The following EPHA3 variants were observed in gnomAD, a reference collection of about 807,000 sequenced individuals.
EPHA3 encodes ephrin type-A receptor 3.
EPHA3 carries 42 observed loss-of-function variants against 107.1 expected under a neutral mutation model. That is an observed-to-expected ratio of 0.39 (90% CI 0.31 to 0.51). EPHA3 has a LOEUF of 0.51. EPHA3 is among the 20% of genes least tolerant of loss of function. EPHA3 has a pLI of 0.78. For synonymous variants in EPHA3, 461 were observed against 424.8 expected (o/e 1.09, Z -1.05); for missense variants, 1,183 against 1,211.2 (o/e 0.98, Z 0.35).
chr3:89,297,218 G>A (rs1305031402), intron 3 of EPHA3, among the ~76,000 whole-genome samples: 2 of 152,094 alleles, frequency 1.3e-5, no homozygotes, highest in Non-Finnish European at 2.9e-5. Flanking sequence ...TTGGCTGTTT[G>A]TCATTAAGAG....
intron 5 of EPHA3, among the ~76,000 whole-genome samples, chr3:89,385,422 C>T (rs116313883): frequency 0.016 from 2,441 of 152,214 alleles, 69 homozygotes; most frequent in African/African-American, 0.055. Flanking sequence ...AGTGAGTTCT[C>T]GCAAGATCTG....
At chr3:89,295,601 A>G (rs1346564821) in intron 3 of EPHA3, among the ~76,000 whole-genome samples, 2 of 151,520 alleles carry the variant, frequency 1.3e-5, no homozygotes, top group African/African-American at 4.9e-5. Context: ...TTTTTCCTAT[A>G]TTTTGAGACA....
chr3:89,184,234 A>G (rs1705510015), intron 2 of EPHA3, among the ~76,000 whole-genome samples: 1 of 152,028 alleles, frequency 6.6e-6, no homozygotes, highest in Non-Finnish European at 1.5e-5. Context: ...CTTCATGAAG[A>G]AAACACAAGG....
At position 89,391,856 on chromosome 3, in the gene EPHA3, C is replaced by A. The variant is rs922002295; in HGVS notation, c.1307-3981C>A. ...CATATATCAGCTGTATCCAGAATAG[C>A]AAAAATTAAAGATCAAATATTAATA... On this transcript the variant is annotated intron_variant, in intron 5 of 16. Coordinates refer to ENST00000336596, the MANE Select transcript of EPHA3 (RefSeq NM_005233.6). Among the ~76,000 whole-genome samples the A allele has an allele frequency of 4.6e-5, 7 of 152,064 alleles. No individual in the cohort carries two copies. In the East Asian group the frequency reaches 5.8e-4, roughly 13 times the overall value.
chr3:89,340,973 C>T lies in EPHA3; in HGVS notation c.872C>T (p.Pro291Leu), dbSNP rs1355784567. ...GGTAATATGAAGTGTGCTAAGTGCCCGCCTCACAGTTCTACTCAGGAAGAT... is the reference window on the plus strand; with the variant it reads ...GGTAATATGAAGTGTGCTAAGTGCCTGCCTCACAGTTCTACTCAGGAAGAT... ...LDGNMKCAKC[P>L]PHSSTQEDGS... The change falls in exon 4 of 17, where the codon CCG becomes CTG. Residue 291 changes from proline to leucine, a missense_variant. Pro to Leu is a moderately conservative substitution (Grantham distance 98, BLOSUM62 -3). Coordinates refer to ENST00000336596, the MANE Select transcript of EPHA3 (RefSeq NM_005233.6). 3.1e-6 allele frequency: 5 copies of T among 1,614,042 alleles called. No individual in the cohort carries two copies. The highest frequency in any genetic ancestry group is 2.2e-5 in the East Asian group (1 of 44,876).
chr3:89,244,487 A>G (rs1704984945), intron 3 of EPHA3, among the ~76,000 whole-genome samples: 1 of 152,104 alleles, frequency 6.6e-6, no homozygotes, highest in Non-Finnish European at 1.5e-5. Context: ...AAAATGTTTT[A>G]TACTATCCAT....
At chr3:89,360,485 G>A (rs1260058246) in intron 5 of EPHA3, among the ~76,000 whole-genome samples, 1 of 150,924 alleles carries the variant, frequency 6.6e-6, no homozygotes, top group Non-Finnish European at 1.5e-5. Flanking sequence ...TATGCTTTTA[G>A]TTATTTCAGT....
chr3:89,337,037 G>A (rs1237782248), intron 3 of EPHA3, among the ~76,000 whole-genome samples: 2 of 149,866 alleles, frequency 1.3e-5, no homozygotes, highest in African/African-American at 4.9e-5. Context: ...ACAGTAGGGT[G>A]AGAAGAGCAA....
Position 89,108,649 on chromosome 3 carries a change from G to A in EPHA3, c.88+813G>A, listed in dbSNP as rs1246418384. Among the ~76,000 whole-genome samples the A allele has an allele frequency of 3.3e-5, 5 of 152,168 alleles. No homozygotes were observed. In the South Asian group the frequency reaches 6.2e-4, roughly 19 times the overall value. On this transcript the variant is annotated intron_variant, in intron 1 of 16. Coordinates refer to ENST00000336596, the MANE Select transcript of EPHA3 (RefSeq NM_005233.6). ...GTGTTATTTATTATCCTTGTAATGAGCATTAATTCCTTTTCAGTGGGTTAA... is the reference window on the plus strand; with the variant it reads ...GTGTTATTTATTATCCTTGTAATGAACATTAATTCCTTTTCAGTGGGTTAA...
intron 15 of EPHA3, among the ~76,000 whole-genome samples, chr3:89,461,158 A>C (rs1419973619): frequency 8.5e-5 from 8 of 94,616 alleles, no homozygotes; most frequent in Non-Finnish European, 1.4e-4. Context: ...ATATGAACTC[A>C]TCATTTTTTA....
intron 11 of EPHA3, among the ~76,000 whole-genome samples, chr3:89,421,223 T>C (rs1709346145): frequency 6.6e-6 from 1 of 150,990 alleles, no homozygotes; most frequent in Admixed American, 6.6e-5. Context: ...ATATAAACTC[T>C]CAAAGAGGGC....
intron 10 of EPHA3, among the ~76,000 whole-genome samples, chr3:89,415,910 A>G (rs1709237756): frequency 6.6e-6 from 1 of 151,510 alleles, no homozygotes; most frequent in Non-Finnish European, 1.5e-5. Context: ...TGAATCTTAT[A>G]CTTTCCAAAT....
chr3:89,450,038 C>T, intron 14 of EPHA3, 139 bp from the exon 15 acceptor site: 1 of 600,280 alleles, frequency 1.7e-6, no homozygotes, highest in South Asian at 3.3e-5. Context: ...AGTTGTTATC[C>T]TTTTAGGCAA....
rs573857924 is a variant in EPHA3, at chr3:89,399,350, G to A, written c.1464G>A (p.Arg488=). 16 of 1,612,452 alleles carry A rather than the reference G, an allele frequency of 9.9e-6. No homozygotes were observed. The highest frequency in any genetic ancestry group is 9.9e-5 in the South Asian group (9 of 90,906). The part of the protein sequence containing the change: ...QEQETSYTIL[R]ARGTNVTISS... ...AAGAAACAAGTTATACCATTCTGAGGGCAAGAGGCACAAATGTTACCATCA... is the reference window on the plus strand; with the variant it reads ...AAGAAACAAGTTATACCATTCTGAGAGCAAGAGGCACAAATGTTACCATCA... The change falls in exon 7 of 17, where the codon AGG becomes AGA. Residue 488 remains arginine, a synonymous_variant. Coordinates refer to ENST00000336596, the MANE Select transcript of EPHA3 (RefSeq NM_005233.6).
chr3:89,273,112 G>A (rs916070285), intron 3 of EPHA3, among the ~76,000 whole-genome samples: 2 of 151,818 alleles, frequency 1.3e-5, no homozygotes, highest in African/African-American at 2.4e-5. Context: ...ATTTTTTAAC[G>A]TTTGTATGCA....
chr3:89,141,894 C>A (rs1258320306), intron 2 of EPHA3, among the ~76,000 whole-genome samples: 1 of 151,168 alleles, frequency 6.6e-6, no homozygotes, highest in African/African-American at 2.4e-5. Flanking sequence ...TAAATAATTT[C>A]TAAATTGCTG....
intron 13 of EPHA3, among the ~76,000 whole-genome samples, chr3:89,437,919 T>C (rs1709705930): frequency 6.6e-6 from 1 of 152,156 alleles, no homozygotes; most frequent in African/African-American, 2.4e-5. Flanking sequence ...TTCTCCATTA[T>C]TCGATTTTTT....
chr3:89,389,808 G>A (rs1708688983), intron 5 of EPHA3, among the ~76,000 whole-genome samples: 1 of 152,150 alleles, frequency 6.6e-6, no homozygotes, highest in Non-Finnish European at 1.5e-5. Context: ...CCTTCACAAG[G>A]AGACACTTTC....
At chr3:89,356,281 C>T (rs1349507165) in intron 5 of EPHA3, among the ~76,000 whole-genome samples, 8 of 150,690 alleles carry the variant, frequency 5.3e-5, no homozygotes, top group African/African-American at 1.2e-4. Flanking sequence ...GTGAATAGTG[C>T]TGCAATAAAC....
Sources: gnomAD v4.1 joint callset for allele counts (sites outside exome capture counted in the v4.1 genomes callset) on GRCh38, gnomAD v4.1.1 for gene constraint, MANE v1.5 for transcripts, NCBI Gene and HGNC (gene_info 2026-07-23, HGNC 2026-07-21) for gene names.